PALD1: variants seen among roughly 807,000 people sequenced by gnomAD.
The protein encoded by PALD1 is phosphatase domain containing paladin 1, also known as paladin.
PALD1 carries 57 observed loss-of-function variants against 96.0 expected under a neutral mutation model. The ratio of observed to expected loss-of-function variants is 0.59; its 90% CI spans 0.48 to 0.74. The LOEUF is 0.74. PALD1 is among the 30% of genes least tolerant of loss of function. PALD1 has a pLI of 0.00. For synonymous variants in PALD1, 464 were observed against 473.6 expected (o/e 0.98, Z 0.26); for missense variants, 1,063 against 1,143.7 (o/e 0.93, Z 1.02).
chr10:70,559,155 G>A (rs1207963713), intron 18 of PALD1, among the ~76,000 whole-genome samples: 1 of 152,126 alleles, frequency 6.6e-6, no homozygotes, highest in Non-Finnish European at 1.5e-5. Flanking sequence ...CCGACGGGGC[G>A]GTATGAGGGC....
intron 1 of PALD1, among the ~76,000 whole-genome samples, chr10:70,487,394 A>G (rs1015782088): frequency 6.6e-6 from 1 of 151,820 alleles, no homozygotes; most frequent in African/African-American, 2.4e-5. Flanking sequence ...TGGCCTCCCA[A>G]AGTGCTGGGA....
intron 1 of PALD1, among the ~76,000 whole-genome samples, chr10:70,517,683 G>T (rs1381122038): frequency 6.6e-6 from 1 of 152,016 alleles, no homozygotes; most frequent in Non-Finnish European, 1.5e-5. Flanking sequence ...GTACGCCGTT[G>T]TGTGGCCACC....
chr10:70,535,583 TCTTCCTC>T (rs1466208164), intron 10 of PALD1, among the ~76,000 whole-genome samples: 1 of 145,394 alleles, frequency 6.9e-6, no homozygotes, highest in South Asian at 2.3e-4. Flanking sequence ...TCCTCCTCCT[TCTTCCTC>T]CTTCCTTCTC....
Position 70,564,355 on chromosome 10 carries a change from G to A in PALD1, c.2263-9G>A, listed in dbSNP as rs1216536234. On this transcript the variant is annotated splice_polypyrimidine_tract_variant and intron_variant, in intron 18 of 19. Coordinates refer to ENST00000263563, the MANE Select transcript of PALD1 (RefSeq NM_014431.3). ...CCCCACACTGACCCCACCCTGTCCT[G>A]TCCTCCAGGCGAAGGCAGCGAAAGA... 3.7e-6 allele frequency: 6 copies of A among 1,610,540 alleles called. No homozygotes were observed. Among genetic ancestry groups the A allele is most frequent in the Non-Finnish European group, 5.1e-6 (6 of 1,178,270 alleles).
the PALD1 span, among the ~76,000 whole-genome samples, chr10:70,460,342 C>G: frequency 4.6e-5 from 7 of 152,186 alleles, no homozygotes; most frequent in African/African-American, 1.7e-4. Flanking sequence ...TACCCCAGAC[C>G]AGTCCTCAGA....
Position 70,567,831 on chromosome 10 carries a change from C to T in PALD1, c.*1098C>T, listed in dbSNP as rs1421739375. ...CACACAGCGGGAAGGCTGCTGGGAA[C>T]AGGTGGCAGAGAAGTGCCATGTTTG... On this transcript the variant is annotated 3_prime_UTR_variant, in exon 20 of 20. Transcript: ENST00000263563. 1 of 152,264 alleles carries T rather than the reference C, an allele frequency of 6.6e-6. No individual in the cohort carries two copies. The highest frequency in any genetic ancestry group is 1.9e-4 in the East Asian group (1 of 5,194). The allele number at this position is 152,264 out of a possible 1,614,324, so 9.4% of individuals were successfully genotyped here.
chr10:70,493,958 G>A lies in PALD1; in HGVS notation c.-30+14899G>A, dbSNP rs150578727. Among the ~76,000 whole-genome samples the A allele has an allele frequency of 3.2e-4, 49 of 152,238 alleles. No homozygotes were observed. In the East Asian group the frequency reaches 9.3e-3, roughly 29 times the overall value. ...ACTTCTCTGTCCTAAGCTCCCTAGG[G>A]GCTCCCTGTATCCTCACAGTAAAAG... On this transcript the variant is annotated intron_variant, in intron 1 of 19. Transcript: ENST00000263563.
At chr10:70,535,204 C>T (rs1847084844) in intron 10 of PALD1, among the ~76,000 whole-genome samples, 1 of 152,220 alleles carries the variant, frequency 6.6e-6, no homozygotes, top group African/African-American at 2.4e-5. Flanking sequence ...TTTGGTCCAG[C>T]TGGCTGCTTC....
chr10:70,463,059 T>C, the PALD1 span, among the ~76,000 whole-genome samples: 2 of 152,182 alleles, frequency 1.3e-5, no homozygotes, highest in Non-Finnish European at 2.9e-5. Context: ...AGAGTTCAGA[T>C]TGCACCCAGC....
chr10:70,500,370 TCA>T (rs1219141704), intron 1 of PALD1, among the ~76,000 whole-genome samples: 1 of 152,068 alleles, frequency 6.6e-6, no homozygotes, highest in East Asian at 1.9e-4. Context: ...GGGCAGCACA[TCA>T]CACCCCGCAG....
intron 1 of PALD1, among the ~76,000 whole-genome samples, chr10:70,517,117 T>C (rs953968376): frequency 6.6e-6 from 1 of 152,114 alleles, no homozygotes; most frequent in South Asian, 2.1e-4. Flanking sequence ...CTTTCGCAAC[T>C]ACCCCATGAA....
In PALD1 at chr10:70,534,368, G is replaced by A. The variant is rs1847062567; in HGVS notation, c.1023-57G>A. On this transcript the variant is annotated intron_variant, in intron 8 of 19. Transcript: ENST00000263563. ...GCCATATGAGTGGAGACAGCAGGCG[G>A]GTGGCCGTGTGAGACCTTTGGAAGA... 3.3e-6 allele frequency: 4 copies of A among 1,198,528 alleles called. No homozygotes were observed. In the African/African-American group the frequency reaches 4.5e-5, roughly 13 times the overall value. 74.2% of individuals were successfully genotyped at this position (1,198,528 alleles called of 1,614,324 possible). A position where few individuals can be genotyped will look rare whatever the true frequency, so the allele number is the denominator to read the frequency against.
chr10:70,563,807 G>A (rs749717562), intron 18 of PALD1, among the ~76,000 whole-genome samples: 4 of 152,196 alleles, frequency 2.6e-5, no homozygotes, highest in East Asian at 1.9e-4. Flanking sequence ...ATTGATGTGC[G>A]TCCACACGGC....
chr10:70,498,929 AG>A (rs10709228), intron 1 of PALD1, among the ~76,000 whole-genome samples: 43,800 of 143,996 alleles, frequency 0.3, 6,431 homozygotes, highest in South Asian at 0.35. Context: ...ACTTTATCTC[AG>A]AAAAAAAAAA....
chr10:70,533,786 C>T, intron 7 of PALD1, 136 bp from the exon 8 acceptor site: 1 of 747,712 alleles, frequency 1.3e-6, no homozygotes, highest in Non-Finnish European at 2.1e-6. Flanking sequence ...GCAGAAGAGG[C>T]CAAGACACCT....
chr10:70,506,132 T>A (rs576499759), intron 1 of PALD1, among the ~76,000 whole-genome samples: 1 of 152,310 alleles, frequency 6.6e-6, no homozygotes, highest in East Asian at 1.9e-4. Context: ...ACACAGAATG[T>A]CAAATGGACA....
intron 18 of PALD1, among the ~76,000 whole-genome samples, chr10:70,557,569 CA>C (rs1473520136): frequency 6.6e-6 from 1 of 152,128 alleles, no homozygotes; most frequent in Non-Finnish European, 1.5e-5. Flanking sequence ...TTTGTCCTTC[CA>C]GGGGTTAGGT....
chr10:70,538,742 G>T, intron 12 of PALD1, 150 bp from the exon 13 acceptor site: 1 of 697,906 alleles, frequency 1.4e-6, no homozygotes, highest in Non-Finnish European at 2.5e-6. Flanking sequence ...TCTTGCCAGG[G>T]CCGGGGGAAG....
At chr10:70,546,364 C>T (rs35510868) in intron 17 of PALD1, among the ~76,000 whole-genome samples, 17,836 of 152,232 alleles carry the variant, frequency 0.12, 1,323 homozygotes, top group South Asian at 0.18. Flanking sequence ...GAGTCACAGT[C>T]GTGCATTTAA....
Sources: gnomAD v4.1 joint callset for allele counts (sites outside exome capture counted in the v4.1 genomes callset) on GRCh38, gnomAD v4.1.1 for gene constraint, MANE v1.5 for transcripts, NCBI Gene and HGNC (gene_info 2026-07-23, HGNC 2026-07-21) for gene names.